Variants in NRXN3 observed in about 807,000 individuals in gnomAD.
NRXN3 encodes the protein neurexin III.
NRXN3 carries 32 observed loss-of-function variants against 137.6 expected under a neutral mutation model. That is an observed-to-expected ratio of 0.23 (90% confidence interval 0.18 to 0.31). The LOEUF is 0.31. Among genes scored for constraint, NRXN3 ranks in the 10% least tolerant of loss-of-function variants. The pLI is 1.00. For synonymous variants in NRXN3, 798 were observed against 784.5 expected (o/e 1.02, Z -0.29); for missense variants, 1,574 against 2,062.5 (o/e 0.76, Z 4.59).
At chr14:78,474,662 A>G (rs923318082) in intron 4 of NRXN3, among the ~76,000 whole-genome samples, 3 of 152,174 alleles carry the variant, frequency 2.0e-5, no homozygotes, top group Admixed American at 1.3e-4. Flanking sequence ...ATAGTTGCCA[A>G]TGTTGTTTGC....
At chr14:79,399,493 T>C (rs1348659312) in intron 15 of NRXN3, among the ~76,000 whole-genome samples, 1 of 152,140 alleles carries the variant, frequency 6.6e-6, no homozygotes, top group Non-Finnish European at 1.5e-5. Context: ...GGGCCAGATA[T>C]TGAGAATATT....
chr14:78,524,374 A>G (rs1465838304), intron 4 of NRXN3, among the ~76,000 whole-genome samples: 2 of 152,246 alleles, frequency 1.3e-5, no homozygotes, highest in East Asian at 3.9e-4. Context: ...TAGCATGTGT[A>G]TGTCTATTAA....
At chr14:78,839,174 G>T (rs2099005263) in intron 10 of NRXN3, among the ~76,000 whole-genome samples, 2 of 152,186 alleles carry the variant, frequency 1.3e-5, no homozygotes, top group South Asian at 2.1e-4. Flanking sequence ...TAGAAGAGCT[G>T]CTCTATTCTG....
At chr14:78,232,628 C>G (rs1408204218) in intron 1 of NRXN3, among the ~76,000 whole-genome samples, 2 of 152,208 alleles carry the variant, frequency 1.3e-5, no homozygotes, top group Non-Finnish European at 2.9e-5. Flanking sequence ...TTTTCCCCTC[C>G]TTTTCCCTCT....
intron 15 of NRXN3, among the ~76,000 whole-genome samples, chr14:79,267,440 C>A (rs769149350): frequency 4.2e-4 from 63 of 151,456 alleles, no homozygotes; most frequent in Non-Finnish European, 7.5e-4. Flanking sequence ...CTCACTGCAA[C>A]CTGCACCTCC....
At chr14:79,055,622 A>G (rs1271129424) in intron 15 of NRXN3, among the ~76,000 whole-genome samples, 1 of 152,224 alleles carries the variant, frequency 6.6e-6, no homozygotes, top group Non-Finnish European at 1.5e-5. Context: ...CATTACGAGC[A>G]AGAGAGCAGT....
intron 4 of NRXN3, among the ~76,000 whole-genome samples, chr14:78,461,018 A>G (rs1278554467): frequency 1.3e-5 from 2 of 152,232 alleles, no homozygotes; most frequent in African/African-American, 4.8e-5. Flanking sequence ...ACTGAGAGAC[A>G]TATATTCAAA....
At chr14:78,532,940 T>A (rs2096488444) in intron 4 of NRXN3, among the ~76,000 whole-genome samples, 1 of 152,090 alleles carries the variant, frequency 6.6e-6, no homozygotes, top group Admixed American at 6.6e-5. Context: ...CGTCACATCT[T>A]CCACACCCAT....
At chr14:78,941,941 A>C (rs1218399240) in intron 10 of NRXN3, among the ~76,000 whole-genome samples, 3 of 152,146 alleles carry the variant, frequency 2.0e-5, no homozygotes, top group Non-Finnish European at 4.4e-5. Context: ...TGTAGAGAGG[A>C]GGCACCATTT....
chr14:78,454,172 T>C (rs2094622830), intron 4 of NRXN3, among the ~76,000 whole-genome samples: 5 of 152,196 alleles, frequency 3.3e-5, no homozygotes, highest in African/African-American at 2.4e-5. Context: ...AAGGAGTTCA[T>C]AGACTATCAG....
At chr14:79,278,819 G>A (rs988441874) in intron 15 of NRXN3, among the ~76,000 whole-genome samples, 1 of 152,134 alleles carries the variant, frequency 6.6e-6, no homozygotes, top group Non-Finnish European at 1.5e-5. Flanking sequence ...TTCGCCCTGC[G>A]GGAGGGGCCC....
intron 15 of NRXN3, among the ~76,000 whole-genome samples, chr14:78,996,468 A>G (rs748962315): frequency 1.3e-5 from 2 of 152,236 alleles, no homozygotes; most frequent in African/African-American, 4.8e-5. Context: ...ATGAGAATTC[A>G]TCTGAATTCA....
chr14:78,916,067 G>A (rs2099254568), intron 10 of NRXN3, among the ~76,000 whole-genome samples: 1 of 151,916 alleles, frequency 6.6e-6, no homozygotes, highest in Admixed American at 6.5e-5. Context: ...GTCTTGTCCA[G>A]GTGTATCATC....
chr14:79,565,740 A>C (rs561350248), intron 16 of NRXN3, among the ~76,000 whole-genome samples: 3 of 152,234 alleles, frequency 2.0e-5, no homozygotes, highest in African/African-American at 7.2e-5. Flanking sequence ...GTGTCTATTT[A>C]CAGGGAATAA....
At chr14:79,481,404 C>G (rs1364577964) in intron 16 of NRXN3, among the ~76,000 whole-genome samples, 1 of 152,116 alleles carries the variant, frequency 6.6e-6, no homozygotes, top group Admixed American at 6.6e-5. Flanking sequence ...GTTGTGTGAA[C>G]ATCATAGAGT....
At chr14:79,415,772 A>G (rs183732792) in intron 15 of NRXN3, among the ~76,000 whole-genome samples, 133 of 152,196 alleles carry the variant, frequency 8.7e-4, no homozygotes, top group African/African-American at 3.0e-3. Flanking sequence ...TCCTGTTTCA[A>G]TCTATCTTGA....
At position 78,898,552 on chromosome 14, in the gene NRXN3, T is replaced by G. The variant is rs2099185398; in HGVS notation, c.2276-58690T>G. ...GGTGCTTTCCAGAGCACAGCTGGGT[T>G]TCGTGTGTGTGTGTGTGTGTGTGTG... On this transcript the variant is annotated intron_variant, in intron 10 of 20. Transcript: ENST00000335750. Among the ~76,000 whole-genome samples, 6 of 132,348 alleles carry G rather than the reference T, an allele frequency of 4.5e-5. No homozygotes were observed. In the South Asian group the frequency reaches 1.5e-3, roughly 34 times the overall value. 86.8% of individuals were successfully genotyped at this position (132,348 alleles called of 152,430 possible).
intron 1 of NRXN3, among the ~76,000 whole-genome samples, chr14:78,189,564 G>C (rs969482066): frequency 1.3e-5 from 2 of 151,668 alleles, no homozygotes; most frequent in African/African-American, 4.8e-5. Flanking sequence ...CCAAGCCTTT[G>C]TCCCGGCAAT....
intron 4 of NRXN3, among the ~76,000 whole-genome samples, chr14:78,399,895 C>T (rs2091888852): frequency 6.6e-6 from 1 of 152,164 alleles, no homozygotes; most frequent in African/African-American, 2.4e-5. Context: ...AGAGGCCCCT[C>T]CCTCAAGATC....
Sources: gnomAD v4.1 joint callset for allele counts (sites outside exome capture counted in the v4.1 genomes callset) on GRCh38, gnomAD v4.1.1 for gene constraint, MANE v1.5 for transcripts, NCBI Gene and HGNC (gene_info 2026-07-23, HGNC 2026-07-21) for gene names.